The following FECH variants were observed in gnomAD, a reference collection of about 807,000 sequenced individuals.
The protein encoded by FECH is ferrochelatase.
A neutral mutation model predicts 56.9 loss-of-function variants in FECH; 40 were observed. That is an observed-to-expected ratio of 0.70 (90% confidence interval 0.55 to 0.92). The LOEUF (loss-of-function observed/expected upper bound fraction) is 0.92. Among genes scored for constraint, FECH ranks in the 40% least tolerant of loss-of-function variants. The probability of loss-of-function intolerance (pLI) is 0.00; values close to 1 mark genes in which losing one functional copy is unlikely to be tolerated. For synonymous variants in FECH, 175 were observed against 198.6 expected, an observed-to-expected ratio of 0.88 and a Z score of 1.00; for missense variants, 431 against 529.1, an observed-to-expected ratio of 0.81 and a Z score of 1.82.
At chr18:57,554,168 A>G in intron 9 of FECH, 92 bp downstream of exon 9, 1 of 1,355,364 alleles carries the variant, frequency 7.4e-7, no homozygotes, top group Non-Finnish European at 1.1e-6. Context: ...AATACAGTAA[A>G]CAATATTTCT....
In FECH at chr18:57,573,203, T is replaced by C. The variant is rs751842971; in HGVS notation, c.314+43A>G. Reference sequence around the variant, plus strand: ...TACAGAATTGAGAGACACATGTCAATGTAGTGCCAAGGTTATAATTGAGGT... The same window carrying C: ...TACAGAATTGAGAGACACATGTCAACGTAGTGCCAAGGTTATAATTGAGGT... On this transcript the variant is annotated intron_variant, in intron 3 of 10. Coordinates refer to ENST00000262093, the MANE Select transcript of FECH (RefSeq NM_000140.5). 9 of 1,591,576 alleles carry C rather than the reference T, an allele frequency of 5.7e-6. No homozygotes were observed. In the Admixed American group the frequency reaches 8.3e-5, roughly 15 times the overall value.
rs563212694 is a variant in FECH at position 57,546,192 on chromosome 18, G to A, written c.*4520C>T. Among the ~76,000 whole-genome samples the A allele has an allele frequency of 2.0e-5, 3 of 152,318 alleles. No homozygotes were observed. The highest frequency in any genetic ancestry group is 6.5e-5 in the Admixed American group (1 of 15,298). On this transcript the variant is annotated 3_prime_UTR_variant, in exon 11 of 11. Transcript: ENST00000262093. ...CAGGATTCTGGCAGAAGGGGTTTCA[G>A]GTGAGGTGAGAAGGTTAAGAGGTGA...
Position 57,580,095 on chromosome 18 carries a change from GTT to G in FECH, c.170_171del (p.Lys57ThrfsTer23). On this transcript the variant is annotated frameshift_variant, in exon 2 of 11. Transcript: ENST00000262093. LOFTEE classifies it high-confidence loss of function. ...TETAQHAQGAKPQVQPQKRKP... is the reference protein window; with the variant it reads ...TETAQHAQGAXPQVQPQKRKP... ...TACCTCTTCTGCGGTTGAACTTGAG[GTT>G]TTGCACCCTGGGCATGCTGGGCTGT... 6.2e-7 allele frequency: 1 copy of G among 1,614,060 alleles called. No individual in the cohort carries two copies. Among genetic ancestry groups the G allele is most frequent in the Non-Finnish European group, 8.5e-7 (1 of 1,180,030 alleles).
chr18:57,577,398 T>G (rs2051199250), intron 2 of FECH, among the ~76,000 whole-genome samples: 1 of 152,228 alleles, frequency 6.6e-6, no homozygotes, highest in Non-Finnish European at 1.5e-5. Context: ...AAAAATTTAC[T>G]ACCTAACCCT....
In FECH at chr18:57,584,135, A is replaced by C. The variant is rs1430831500; in HGVS notation, c.67+2419T>G. On this transcript the variant is annotated intron_variant, in intron 1 of 10. Coordinates refer to ENST00000262093, the MANE Select transcript of FECH (RefSeq NM_000140.5). ...GCGGAGGTTGCAGTGAGCCGAGATC[A>C]TGCCACTGCACTCCAGCCTGTCGAC... Among the ~76,000 whole-genome samples the C allele has an allele frequency of 4.6e-5, 7 of 151,160 alleles. No individual in the cohort carries two copies. The South Asian group carries it at 1.0e-3, about 22-fold the overall frequency.
At chr18:57,584,949 T>C (rs2051344285) in intron 1 of FECH, among the ~76,000 whole-genome samples, 1 of 148,354 alleles carries the variant, frequency 6.7e-6, no homozygotes, top group African/African-American at 2.5e-5. Context: ...ATTTCAAGGC[T>C]GCAGTGAACT....
intron 5 of FECH, 143 bp from the exon 6 acceptor site, chr18:57,563,123 C>T: frequency 1.4e-6 from 1 of 705,886 alleles, no homozygotes; most frequent in Non-Finnish European, 2.5e-6. Context: ...TTTCAATACT[C>T]TAAAATGCAT....
In FECH at chr18:57,570,031, T is replaced by TGTG. The variant is rs1317904142; in HGVS notation, c.463+1360_463+1361insCAC. ...GTTGCTGTTGTTGTTGTTGTTGTTG[T>TGTG]CGTGTGTGTGTGTGTGTGTGTGTGT... On this transcript the variant is annotated intron_variant, in intron 4 of 10. Coordinates refer to ENST00000262093, the MANE Select transcript of FECH (RefSeq NM_000140.5). 4.4e-3 allele frequency among the ~76,000 whole-genome samples: 349 copies of TGTG among 79,116 alleles called. 6 individuals are homozygous for TGTG. In the East Asian group the frequency reaches 0.045, roughly 10 times the overall value. The allele number at this position is 79,116 out of a possible 152,430, so 51.9% of individuals were successfully genotyped here.
chr18:57,572,513 T>C (rs781170499), intron 3 of FECH, among the ~76,000 whole-genome samples: 1 of 55,994 alleles, frequency 1.8e-5, no homozygotes, highest in African/African-American at 7.2e-5. Flanking sequence ...TATACGTATG[T>C]AAAAAAAAAA....
rs1568141269 is a variant in FECH at position 57,550,491 on chromosome 18, A to G, written c.*221T>C. The G allele has an allele frequency of 3.7e-6, 2 of 534,418 alleles. No homozygotes were observed. Among genetic ancestry groups the G allele is most frequent in the Non-Finnish European group, 6.6e-6 (2 of 302,036 alleles). 33.1% of individuals were successfully genotyped at this position (534,418 alleles called of 1,614,324 possible). On this transcript the variant is annotated 3_prime_UTR_variant, in exon 11 of 11. Coordinates refer to ENST00000262093, the MANE Select transcript of FECH (RefSeq NM_000140.5). ...TGGACATTCCAAACTAGTAACTTAT[A>G]CCTAGAGAGAGAAAATACAAATGCT... is the stretch of plus-strand genomic sequence containing the variant.
intron 6 of FECH, among the ~76,000 whole-genome samples, chr18:57,560,869 T>C (rs1309744077): frequency 6.6e-6 from 1 of 152,212 alleles, no homozygotes; most frequent in Non-Finnish European, 1.5e-5. Context: ...ATAAGCAAAC[T>C]ATTCCCTAAT....
In FECH at chr18:57,554,300, T is replaced by C. The variant is rs1406380984; in HGVS notation, c.1037A>G (p.Tyr346Cys). Residue 346 changes from tyrosine to cysteine, a missense_variant, in exon 9 of 11, where the codon TAT becomes TGT. Coordinates refer to ENST00000262093, the MANE Select transcript of FECH (RefSeq NM_000140.5). ...AFTSDHIETL[Y>C]ELDIEYSQVL... Reference sequence around the variant, plus strand: ...TTGAGAGTACTCGATGTCCAGCTCATACAGCGTTTCAATATGGTCACTGGT... The same window carrying C: ...TTGAGAGTACTCGATGTCCAGCTCACACAGCGTTTCAATATGGTCACTGGT... 1.4e-5 allele frequency: 22 copies of C among 1,614,156 alleles called. No homozygotes were observed. The highest frequency in any genetic ancestry group is 1.6e-5 in the Non-Finnish European group (19 of 1,180,048).
At chr18:57,582,063 A>G (rs912486648) in intron 1 of FECH, among the ~76,000 whole-genome samples, 1 of 146,900 alleles carries the variant, frequency 6.8e-6, no homozygotes, top group African/African-American at 2.5e-5. Context: ...CTTTTTTACT[A>G]AGTTTAATTC....
intron 4 of FECH, among the ~76,000 whole-genome samples, chr18:57,567,068 T>C (rs1259264049): frequency 6.6e-6 from 1 of 152,068 alleles, no homozygotes; most frequent in Non-Finnish European, 1.5e-5. Context: ...CGAGCTGGAA[T>C]TAGAGCCTGG....
chr18:57,551,142 T>C, intron 10 of FECH, 173 bp downstream of exon 10: 2 of 652,026 alleles, frequency 3.1e-6, no homozygotes, highest in Non-Finnish European at 5.3e-6. Context: ...ATCAGAAAAT[T>C]GGGGCTATCT....
chr18:57,544,905 A>T lies in FECH; in HGVS notation c.*5807T>A, dbSNP rs2122218728. Among the ~76,000 whole-genome samples the T allele has an allele frequency of 6.6e-6, 1 of 152,370 alleles. No individual in the cohort carries two copies. Among genetic ancestry groups the T allele is most frequent in the Middle Eastern group, 3.4e-3 (1 of 292 alleles). ...TTTGAAAGATATTATTTTAATGATT[A>T]ACTTGAAATTTTAACAATTGGTTCA... On this transcript the variant is annotated 3_prime_UTR_variant, in exon 11 of 11. Coordinates refer to ENST00000262093, the MANE Select transcript of FECH (RefSeq NM_000140.5).
chr18:57,565,556 G>A (rs1314158136), intron 5 of FECH, among the ~76,000 whole-genome samples: 1 of 149,890 alleles, frequency 6.7e-6, no homozygotes, highest in Non-Finnish European at 1.5e-5. Flanking sequence ...CAATGACAGA[G>A]CAAGATACCA....
intron 9 of FECH, 151 bp downstream of exon 9, chr18:57,554,109 C>A: frequency 1.2e-6 from 1 of 867,726 alleles, no homozygotes; most frequent in East Asian, 2.4e-5. Context: ...GAGATTATTA[C>A]TCAGATGAAG....
In FECH at chr18:57,578,607, G is replaced by T. The variant is rs977752410; in HGVS notation, c.194+1466C>A. 1.3e-5 allele frequency among the ~76,000 whole-genome samples: 2 copies of T among 152,148 alleles called. 1 individual carries two copies. The highest frequency in any genetic ancestry group is 4.1e-4 in the South Asian group (2 of 4,822). On this transcript the variant is annotated intron_variant, in intron 2 of 10. Transcript: ENST00000262093. ...AGACAGGAGGATCACTTAAGCCCAG[G>T]AGTTCAAGGATGCAGTGAGCCATGA...
Sources: gnomAD v4.1 joint callset for allele counts (sites outside exome capture counted in the v4.1 genomes callset) on GRCh38, gnomAD v4.1.1 for gene constraint, MANE v1.5 for transcripts, NCBI Gene and HGNC (gene_info 2026-07-23, HGNC 2026-07-21) for gene names.